Variants in HMGB1 observed in about 807,000 individuals in gnomAD.
HMGB1 encodes high mobility group protein B1.
For synonymous variants in HMGB1, 81 were observed against 84.0 expected (o/e 0.96, Z 0.19); for missense variants, 79 against 253.5 (o/e 0.31, Z 4.67).
rs182261999 is a variant in HMGB1, at chr13:30,519,154, A to T, written c.-14-55460T>A. Among the ~76,000 whole-genome samples, 497 of 152,028 alleles carry T rather than the reference A, an allele frequency of 3.3e-3. 2 individuals are homozygous for T. The highest frequency in any genetic ancestry group is 5.0e-3 in the Non-Finnish European group (343 of 67,954). On this transcript the variant is annotated intron_variant, in intron 1 of 4. Coordinates refer to the HMGB1 transcript ENST00000405805. ...ATGCCTGTAATCCCTGCACTTTGGG[A>T]GGCCGAGGCGGGTGGATCATTTGAG...
intron 1 of HMGB1, among the ~76,000 whole-genome samples, chr13:30,536,696 T>C (rs1868457010): frequency 6.6e-6 from 1 of 152,240 alleles, no homozygotes; most frequent in Non-Finnish European, 1.5e-5. Context: ...GTGTAAATAT[T>C]GTTCACTGTA....
At chr13:30,609,508 G>A (rs545982320) in intron 1 of HMGB1, among the ~76,000 whole-genome samples, 7 of 152,126 alleles carry the variant, frequency 4.6e-5, no homozygotes, top group South Asian at 2.1e-4. Flanking sequence ...AAGTTACACC[G>A]AGTGTGCCTG....
intron 1 of HMGB1, chr13:30,553,856 G>C: frequency 7.5e-7 from 1 of 1,326,338 alleles, no homozygotes; most frequent in East Asian, 2.3e-5. Flanking sequence ...TTAAACTGCA[G>C]AATACTGAGA....
intron 1 of HMGB1, chr13:30,465,169 G>C: frequency 1.0e-6 from 1 of 961,128 alleles, no homozygotes; most frequent in Non-Finnish European, 1.2e-6. Context: ...AGCGAGCGCA[G>C]CGGCGCCGCT....
At chr13:30,527,641 AGAG>A (rs1358197076) in intron 1 of HMGB1, among the ~76,000 whole-genome samples, 1 of 152,076 alleles carries the variant, frequency 6.6e-6, no homozygotes, top group Non-Finnish European at 1.5e-5. Flanking sequence ...AAAGAGATGG[AGAG>A]GAGATGGGCA....
chr13:30,524,337 T>TAAAAAAAAAAAAAAA (rs756389867), intron 1 of HMGB1, among the ~76,000 whole-genome samples: 1 of 47,442 alleles, frequency 2.1e-5, no homozygotes, highest in Non-Finnish European at 5.4e-5. Flanking sequence ...TAAAGTATAT[T>TAAAAAAAAAAAAAAA]AAAAAAAAAA....
chr13:30,587,545 T>C (rs1366129565), intron 1 of HMGB1, among the ~76,000 whole-genome samples: 1 of 152,224 alleles, frequency 6.6e-6, no homozygotes, highest in Non-Finnish European at 1.5e-5. Context: ...AGTGGGGTCC[T>C]TAACCAAGAT....
intron 1 of HMGB1, chr13:30,464,035 AAACC>A: frequency 3.3e-6 from 3 of 900,694 alleles, no homozygotes; most frequent in Non-Finnish European, 4.0e-6. Flanking sequence ...ACACCATTTT[AAACC>A]AACCAAACCA....
chr13:30,601,958 C>T (rs1483749273), intron 1 of HMGB1, among the ~76,000 whole-genome samples: 1 of 152,062 alleles, frequency 6.6e-6, no homozygotes. Flanking sequence ...TTGGAACACT[C>T]CTGTTGCCAT....
At chr13:30,560,005 C>T (rs976221274) in intron 1 of HMGB1, among the ~76,000 whole-genome samples, 1 of 152,080 alleles carries the variant, frequency 6.6e-6, no homozygotes, top group Non-Finnish European at 1.5e-5. Context: ...GCACCCCCTC[C>T]CAGCATTTAC....
intron 1 of HMGB1, among the ~76,000 whole-genome samples, chr13:30,483,063 G>A (rs1887272153): frequency 1.3e-5 from 2 of 152,032 alleles, no homozygotes; most frequent in African/African-American, 4.8e-5. Flanking sequence ...TAAAGTGCTG[G>A]AATTATAGTG....
At chr13:30,512,881 G>C (rs1023552425) in intron 1 of HMGB1, among the ~76,000 whole-genome samples, 2 of 152,036 alleles carry the variant, frequency 1.3e-5, no homozygotes, top group Non-Finnish European at 2.9e-5. Flanking sequence ...ACATGACTAG[G>C]GCCGCACACA....
chr13:30,528,995 C>T (rs1034420540), intron 1 of HMGB1, among the ~76,000 whole-genome samples: 1 of 137,800 alleles, frequency 7.3e-6, no homozygotes, highest in Non-Finnish European at 1.5e-5. Context: ...CGCCACTGCA[C>T]TCCAGCCTGG....
intron 1 of HMGB1, among the ~76,000 whole-genome samples, chr13:30,558,431 C>G (rs753616209): frequency 2.6e-5 from 4 of 152,010 alleles, no homozygotes; most frequent in Non-Finnish European, 5.9e-5. Context: ...GAGTTTAAAA[C>G]CATTTGCTCA....
At chr13:30,600,603 A>T (rs80208178) in intron 1 of HMGB1, among the ~76,000 whole-genome samples, 1 of 152,150 alleles carries the variant, frequency 6.6e-6, no homozygotes, top group African/African-American at 2.4e-5. Flanking sequence ...TAATCCAAAA[A>T]TCTGAAGCTT....
At chr13:30,532,953 C>T (rs1888530028) in intron 1 of HMGB1, among the ~76,000 whole-genome samples, 1 of 152,198 alleles carries the variant, frequency 6.6e-6, no homozygotes, top group Non-Finnish European at 1.5e-5. Flanking sequence ...TTTAAATCCT[C>T]ATTACAACCC....
At chr13:30,483,939 C>T (rs527398118) in intron 1 of HMGB1, among the ~76,000 whole-genome samples, 1 of 152,260 alleles carries the variant, frequency 6.6e-6, no homozygotes, top group South Asian at 2.1e-4. Context: ...AGCAGAGCAT[C>T]CTAGGCCACT....
rs80123250 is a variant in HMGB1 at position 30,561,017 on chromosome 13, A to G, written c.-15+55654T>C. On this transcript the variant is annotated intron_variant, in intron 1 of 4. Coordinates refer to the HMGB1 transcript ENST00000405805. ...AATGAAAGAAGAGTCAGATGAGGAT[A>G]GCTGGAGCTAGTGCAAGGAGGGAAG... Among the ~76,000 whole-genome samples, 550 of 152,144 alleles carry G rather than the reference A, an allele frequency of 3.6e-3. 2 individuals are homozygous for G. The highest frequency in any genetic ancestry group is 0.012 in the African/African-American group (506 of 41,514).
chr13:30,498,990 T>C lies in HMGB1; in HGVS notation c.-14-35296A>G, dbSNP rs1452990043. Among the ~76,000 whole-genome samples, 229 of 151,230 alleles carry C rather than the reference T, an allele frequency of 1.5e-3. 3 individuals carry two copies. Among genetic ancestry groups the C allele is most frequent in the Non-Finnish European group, 5.5e-4 (37 of 67,838 alleles). On this transcript the variant is annotated intron_variant, in intron 1 of 4. Transcript: ENST00000405805. ...TTTTTTGAGAAGGAGTCTTGCTCTG[T>C]TGCCCAGGCTGGAGTGCACTGGTGC...
Sources: gnomAD v4.1 joint callset for allele counts (sites outside exome capture counted in the v4.1 genomes callset) on GRCh38, gnomAD v4.1.1 for gene constraint, MANE v1.5 for transcripts, NCBI Gene and HGNC (gene_info 2026-07-23, HGNC 2026-07-21) for gene names.